The following ROBO2 variants were observed in gnomAD, a reference collection of about 807,000 sequenced individuals.
ROBO2 encodes roundabout guidance receptor 2.
ROBO2 carries 53 observed loss-of-function variants against 160.8 expected under a neutral mutation model. That is an observed-to-expected ratio of 0.33 (90% CI 0.26 to 0.41). The LOEUF (loss-of-function observed/expected upper bound fraction) is 0.41. Ranked by LOEUF, ROBO2 falls within the 10% of genes least tolerant of loss-of-function variation. The probability of loss-of-function intolerance (pLI) is 1.00; values close to 1 mark genes in which losing one functional copy is unlikely to be tolerated. For synonymous variants in ROBO2, 664 were observed against 611.7 expected (o/e 1.09, Z -1.26); for missense variants, 1,577 against 1,722.4 (o/e 0.92, Z 1.49).
chr3:76,759,107 A>C (rs1374366062), intron 2 of ROBO2, among the ~76,000 whole-genome samples: 1 of 151,820 alleles, frequency 6.6e-6, no homozygotes, highest in Non-Finnish European at 1.5e-5. Context: ...ACTGTGTTAG[A>C]ACTGGAACGA....
At chr3:77,161,255 C>T (rs2078462756) in intron 2 of ROBO2, among the ~76,000 whole-genome samples, 1 of 152,174 alleles carries the variant, frequency 6.6e-6, no homozygotes, top group African/African-American at 2.4e-5. Context: ...GCATCTGTAA[C>T]ACAAAGTTCC....
intron 2 of ROBO2, among the ~76,000 whole-genome samples, chr3:77,446,826 A>T (rs1309086990): frequency 6.6e-6 from 1 of 152,120 alleles, no homozygotes; most frequent in Non-Finnish European, 1.5e-5. Flanking sequence ...GGGTGCTCAC[A>T]GTAGAATTTT....
intron 2 of ROBO2, among the ~76,000 whole-genome samples, chr3:75,961,789 A>T (rs571749805): frequency 3.8e-4 from 57 of 151,670 alleles, no homozygotes; most frequent in African/African-American, 1.3e-3. Flanking sequence ...AAGATAGAAA[A>T]TTTTTTTCAA....
chr3:76,674,344 G>A (rs893864363), intron 2 of ROBO2, among the ~76,000 whole-genome samples: 2 of 151,960 alleles, frequency 1.3e-5, no homozygotes, highest in African/African-American at 4.8e-5. Flanking sequence ...CACTAAACAT[G>A]GCAGCATCCC....
At chr3:77,621,402 G>C (rs2094896979) in intron 22 of ROBO2, among the ~76,000 whole-genome samples, 1 of 151,748 alleles carries the variant, frequency 6.6e-6, no homozygotes, top group Non-Finnish European at 1.5e-5. Context: ...CTCCATCCTG[G>C]GTGGCAGAAC....
At chr3:75,984,891 G>A (rs760040915) in intron 2 of ROBO2, among the ~76,000 whole-genome samples, 1 of 151,166 alleles carries the variant, frequency 6.6e-6, no homozygotes, top group Non-Finnish European at 1.5e-5. Flanking sequence ...ATAATGTACT[G>A]GTTTATTTTA....
chr3:76,187,974 A>G (rs1050036319), intron 2 of ROBO2, among the ~76,000 whole-genome samples: 4 of 152,046 alleles, frequency 2.6e-5, no homozygotes, highest in African/African-American at 9.7e-5. Flanking sequence ...TAATTTCTAA[A>G]CTCACTTAGT....
intron 2 of ROBO2, among the ~76,000 whole-genome samples, chr3:77,223,608 G>A (rs1425677862): frequency 2.0e-5 from 3 of 152,018 alleles, no homozygotes; most frequent in East Asian, 3.9e-4. Context: ...ATTGAAATTT[G>A]GATATTATAC....
chr3:76,926,669 A>G (rs2077012346), intron 2 of ROBO2, among the ~76,000 whole-genome samples: 1 of 152,224 alleles, frequency 6.6e-6, no homozygotes, highest in Non-Finnish European at 1.5e-5. Context: ...GAATCTAGGT[A>G]GGTTCTTAAA....
chr3:76,051,798 G>C (rs1405421198), intron 2 of ROBO2, among the ~76,000 whole-genome samples: 52 of 151,886 alleles, frequency 3.4e-4, no homozygotes, highest in Non-Finnish European at 4.4e-5. Context: ...TTTTAGAAGG[G>C]AAAATATTAT....
chr3:77,266,077 C>G (rs1351838533), intron 2 of ROBO2, among the ~76,000 whole-genome samples: 1 of 152,004 alleles, frequency 6.6e-6, no homozygotes. Context: ...TTGTAAAGTA[C>G]AAGAACACAC....
chr3:76,188,843 A>C (rs1701880013), intron 2 of ROBO2, among the ~76,000 whole-genome samples: 1 of 152,090 alleles, frequency 6.6e-6, no homozygotes. Context: ...GGCAATCATC[A>C]ATGCATTATT....
chr3:75,974,331 G>T (rs1175559739), intron 2 of ROBO2, among the ~76,000 whole-genome samples: 1 of 151,602 alleles, frequency 6.6e-6, no homozygotes, highest in East Asian at 2.0e-4. Flanking sequence ...TTAATTTTTT[G>T]TTCAGAGGCA....
At chr3:77,240,568 G>T (rs1580300385) in intron 2 of ROBO2, among the ~76,000 whole-genome samples, 1 of 152,318 alleles carries the variant, frequency 6.6e-6, no homozygotes, top group African/African-American at 2.4e-5. Flanking sequence ...CCTCAAGCGT[G>T]GCCAGAGCGG....
At chr3:76,629,746 G>A (rs1220760956) in intron 2 of ROBO2, among the ~76,000 whole-genome samples, 5 of 152,090 alleles carry the variant, frequency 3.3e-5, no homozygotes, top group Non-Finnish European at 7.4e-5. Context: ...CATCACACCA[G>A]TCTTTAGTAA....
chr3:76,496,820 T>A (rs1399610028), intron 2 of ROBO2, among the ~76,000 whole-genome samples: 14 of 152,188 alleles, frequency 9.2e-5, no homozygotes, highest in Admixed American at 9.2e-4. Flanking sequence ...CCACTTCTCA[T>A]CAACCATACT....
chr3:76,360,233 G>T (rs1806671), intron 2 of ROBO2, among the ~76,000 whole-genome samples: 27,658 of 151,622 alleles, frequency 0.18, 3,642 homozygotes, highest in African/African-American at 0.37. Flanking sequence ...ATCTCTTTTC[G>T]GTTTTCCAGC....
At chr3:76,924,776 G>A (rs1475938836) in intron 2 of ROBO2, among the ~76,000 whole-genome samples, 1 of 152,118 alleles carries the variant, frequency 6.6e-6, no homozygotes, top group Non-Finnish European at 1.5e-5. Context: ...TACCTGATTG[G>A]TATGTCCCTT....
chr3:76,373,269 C>A (rs1037511761), intron 2 of ROBO2, among the ~76,000 whole-genome samples: 2 of 151,910 alleles, frequency 1.3e-5, no homozygotes, highest in African/African-American at 4.8e-5. Flanking sequence ...AAGAGCTCTG[C>A]TTTTTCTAAC....
Sources: gnomAD v4.1 joint callset for allele counts (sites outside exome capture counted in the v4.1 genomes callset) on GRCh38, gnomAD v4.1.1 for gene constraint, MANE v1.5 for transcripts, NCBI Gene and HGNC (gene_info 2026-07-23, HGNC 2026-07-21) for gene names.